KIAA1217: variants seen among roughly 807,000 people sequenced by gnomAD.
The protein encoded by KIAA1217 is sickle tail protein homolog.
KIAA1217 carries 88 observed loss-of-function variants against 163.9 expected under a neutral mutation model. That is an observed-to-expected ratio of 0.54 (90% CI 0.45 to 0.64). KIAA1217 has a LOEUF of 0.64. Ranked by LOEUF, KIAA1217 falls within the 30% of genes least tolerant of loss-of-function variation. The pLI, the probability that KIAA1217 is intolerant of heterozygous loss-of-function variation, is 0.00. For missense variants in KIAA1217, 2,372 were observed against 2,475.0 expected, an observed-to-expected ratio of 0.96 and a Z score of 0.88; for synonymous variants, 903 against 923.1, an observed-to-expected ratio of 0.98 and a Z score of 0.39.
intron 13 of KIAA1217, 93 bp downstream of exon 13, chr10:24,524,857 A>C: frequency 8.9e-7 from 1 of 1,124,958 alleles, no homozygotes. Context: ...TGATGACATG[A>C]TTGTGTATGG....
At chr10:24,137,987 AT>A (rs2063898113) in intron 2 of KIAA1217, among the ~76,000 whole-genome samples, 1 of 152,308 alleles carries the variant, frequency 6.6e-6, no homozygotes, top group East Asian at 1.9e-4. Flanking sequence ...AAAATAATGT[AT>A]TTTTAATGTA....
chr10:24,066,436 A>G (rs867976788), intron 2 of KIAA1217, among the ~76,000 whole-genome samples: 13 of 152,250 alleles, frequency 8.5e-5, no homozygotes, highest in African/African-American at 3.1e-4. Flanking sequence ...TTCTGGGTTG[A>G]AAATTCTTTT....
At chr10:24,410,153 C>A (rs964972691) in intron 3 of KIAA1217, among the ~76,000 whole-genome samples, 2 of 151,836 alleles carry the variant, frequency 1.3e-5, no homozygotes, top group East Asian at 1.9e-4. Context: ...CCCGCCACCA[C>A]GCCCAGCTAA....
At position 24,336,444 on chromosome 10, in the gene KIAA1217, G is replaced by A. The variant is rs112178840; in HGVS notation, c.355-44425G>A. ...CCTTTTCTACAACATAAGCACTGTA[G>A]AGTGTTGCTGTTTTCCCTTAGAATG... On this transcript the variant is annotated intron_variant, in intron 2 of 20. Coordinates refer to ENST00000376454, the MANE Select transcript of KIAA1217 (RefSeq NM_019590.5). 8.0e-4 allele frequency among the ~76,000 whole-genome samples: 122 copies of A among 152,304 alleles called. 1 individual carries two copies. Among genetic ancestry groups the A allele is most frequent in the African/African-American group, 2.8e-3 (116 of 41,556 alleles).
intron 1 of KIAA1217, among the ~76,000 whole-genome samples, chr10:23,725,662 T>C (rs1564368915): frequency 6.6e-6 from 1 of 152,252 alleles, no homozygotes; most frequent in East Asian, 1.9e-4. Flanking sequence ...TAATGTCCAC[T>C]ACTGATGACA....
intron 2 of KIAA1217, among the ~76,000 whole-genome samples, chr10:24,322,277 A>G (rs542556300): frequency 4.6e-5 from 7 of 152,094 alleles, no homozygotes; most frequent in Non-Finnish European, 1.0e-4. Flanking sequence ...TAAAAAAGCA[A>G]ATCTACAGAG....
At chr10:24,384,746 C>T (rs2053785750) in intron 3 of KIAA1217, among the ~76,000 whole-genome samples, 1 of 152,210 alleles carries the variant, frequency 6.6e-6, no homozygotes, top group Admixed American at 6.5e-5. Context: ...CCATGTTAGC[C>T]AGGATGGTCT....
At chr10:23,771,072 ATAT>A (rs1834774439) in intron 1 of KIAA1217, among the ~76,000 whole-genome samples, 1 of 152,188 alleles carries the variant, frequency 6.6e-6, no homozygotes, top group Admixed American at 6.6e-5. Context: ...AAGAGCTGAA[ATAT>A]TATTGCAATG....
At chr10:24,199,511 A>C (rs1372729040) in intron 2 of KIAA1217, among the ~76,000 whole-genome samples, 1 of 152,174 alleles carries the variant, frequency 6.6e-6, no homozygotes, top group Non-Finnish European at 1.5e-5. Flanking sequence ...ACAGACATTC[A>C]AACTATAGCC....
At chr10:24,045,338 T>C (rs1848926633) in intron 2 of KIAA1217, among the ~76,000 whole-genome samples, 1 of 152,092 alleles carries the variant, frequency 6.6e-6, no homozygotes, top group African/African-American at 2.4e-5. Flanking sequence ...AGGTGTTTTA[T>C]TCATTCATTT....
intron 2 of KIAA1217, among the ~76,000 whole-genome samples, chr10:24,298,788 A>T (rs925290278): frequency 5.3e-5 from 8 of 151,990 alleles, no homozygotes; most frequent in African/African-American, 1.9e-4. Context: ...ACAGAGGAAG[A>T]CTCCATCTCA....
chr10:24,034,644 A>G (rs1848318193), intron 2 of KIAA1217, among the ~76,000 whole-genome samples: 2 of 152,020 alleles, frequency 1.3e-5, no homozygotes, highest in African/African-American at 4.8e-5. Flanking sequence ...GCCAGAAAGC[A>G]AGATCAGGAG....
At chr10:24,443,559 GA>G (rs1376816229) in intron 5 of KIAA1217, among the ~76,000 whole-genome samples, 4 of 150,806 alleles carry the variant, frequency 2.7e-5, no homozygotes, top group African/African-American at 4.9e-5. Context: ...TTGCAGTCAT[GA>G]AAAAAAAGTG....
chr10:24,463,452 C>A (rs1482572620), intron 5 of KIAA1217, among the ~76,000 whole-genome samples: 1 of 152,208 alleles, frequency 6.6e-6, no homozygotes, highest in Non-Finnish European at 1.5e-5. Context: ...GTCTGTCTGT[C>A]TCATGTCTGG....
intron 2 of KIAA1217, among the ~76,000 whole-genome samples, chr10:24,379,729 A>T (rs1331779580): frequency 6.6e-6 from 1 of 152,130 alleles, no homozygotes; most frequent in African/African-American, 2.4e-5. Context: ...AGGACTGGCT[A>T]AAGAATTGTC....
chr10:24,474,769 A>G (rs1339874469), intron 6 of KIAA1217, among the ~76,000 whole-genome samples: 1 of 152,256 alleles, frequency 6.6e-6, no homozygotes. Flanking sequence ...ATATAGTAAT[A>G]GAAAAGCTAA....
intron 2 of KIAA1217, among the ~76,000 whole-genome samples, chr10:24,029,840 C>T (rs532610666): frequency 1.1e-4 from 17 of 152,256 alleles, no homozygotes; most frequent in Admixed American, 2.6e-4. Flanking sequence ...TTCCCTCACA[C>T]GGGCATGTAG....
At chr10:24,230,155 C>A (rs1401313302) in intron 2 of KIAA1217, among the ~76,000 whole-genome samples, 1 of 151,968 alleles carries the variant, frequency 6.6e-6, no homozygotes, top group Non-Finnish European at 1.5e-5. Context: ...GTAAGGAGAA[C>A]GTATTATTTG....
At chr10:23,927,331 T>TGA (rs1415440726) in intron 1 of KIAA1217, among the ~76,000 whole-genome samples, 3 of 147,220 alleles carry the variant, frequency 2.0e-5, no homozygotes, top group Non-Finnish European at 4.4e-5. Context: ...ATAGGGTGTG[T>TGA]GTGTGTGTGT....
Sources: gnomAD v4.1 joint callset for allele counts (sites outside exome capture counted in the v4.1 genomes callset) on GRCh38, gnomAD v4.1.1 for gene constraint, MANE v1.5 for transcripts, NCBI Gene and HGNC (gene_info 2026-07-23, HGNC 2026-07-21) for gene names.